Variants in ZSWIM6 observed in about 807,000 individuals in gnomAD.
The protein encoded by ZSWIM6 is zinc finger SWIM domain-containing protein 6.
ZSWIM6 carries 9 observed loss-of-function variants against 113.2 expected under a neutral mutation model. The ratio of observed to expected loss-of-function variants is 0.08; its 90% CI spans 0.05 to 0.14. The LOEUF (loss-of-function observed/expected upper bound fraction) is 0.14, where lower values mean the gene tolerates loss of function less well. ZSWIM6 is among the 10% of genes least tolerant of loss of function. ZSWIM6 has a pLI of 1.00. For missense variants in ZSWIM6, 1,162 were observed against 1,552.2 expected (o/e 0.75, Z 4.22); for synonymous variants, 611 against 606.5 (o/e 1.01, Z -0.11).
In ZSWIM6 at chr5:61,525,955, C is replaced by G; in HGVS notation, c.1669C>G (p.Arg557Gly). ...DDTENSLFDSRGWPLWHEHVP... is the reference protein window; with the variant it reads ...DDTENSLFDSGGWPLWHEHVP... ...CACTGAAAACTCCCTCTTCGACTCC[C>G]GCGGGTGGCCCCTCTGGCATGGTAA... is the stretch of plus-strand genomic sequence containing the variant. The change falls in exon 6 of 14, where the codon CGC (arginine) becomes GGC (glycine). Residue 557 changes from arginine (R) to glycine (G), a missense_variant. Arg to Gly is a moderately radical substitution (Grantham distance 125). Transcript: ENST00000252744. The G allele has an allele frequency of 6.4e-7, 1 of 1,552,144 alleles. No homozygotes were observed. The highest frequency in any genetic ancestry group is 8.7e-7 in the Non-Finnish European group (1 of 1,147,054).
At chr5:61,428,193 G>A (rs1021334873) in intron 1 of ZSWIM6, among the ~76,000 whole-genome samples, 3 of 152,114 alleles carry the variant, frequency 2.0e-5, no homozygotes, top group Non-Finnish European at 4.4e-5. Context: ...TGGCAAGAAA[G>A]ACATTTGTTT....
chr5:61,458,111 C>T (rs1400545371), intron 1 of ZSWIM6, among the ~76,000 whole-genome samples: 1 of 152,128 alleles, frequency 6.6e-6, no homozygotes, highest in African/African-American at 2.4e-5. Context: ...AGGTTGGATA[C>T]ATATATTTGC....
At chr5:61,513,250 T>C (rs1188406193) in intron 4 of ZSWIM6, among the ~76,000 whole-genome samples, 2 of 152,118 alleles carry the variant, frequency 1.3e-5, no homozygotes, top group African/African-American at 2.4e-5. Context: ...ATTGGATCAC[T>C]TAGTTAATAT....
intron 1 of ZSWIM6, chr5:61,375,809 A>G: frequency 1.5e-6 from 2 of 1,342,646 alleles, no homozygotes; most frequent in South Asian, 2.5e-5. Flanking sequence ...AAACACAGTA[A>G]GAAGAAGAAA....
intron 1 of ZSWIM6, among the ~76,000 whole-genome samples, chr5:61,427,130 A>G (rs889171839): frequency 6.6e-6 from 1 of 152,228 alleles, no homozygotes; most frequent in African/African-American, 2.4e-5. Flanking sequence ...TCTTTACTAC[A>G]ATGGCTGCAG....
intron 4 of ZSWIM6, among the ~76,000 whole-genome samples, chr5:61,506,803 A>G (rs1456412983): frequency 6.6e-6 from 1 of 152,132 alleles, no homozygotes; most frequent in Non-Finnish European, 1.5e-5. Context: ...AGTTAATTGG[A>G]TCATGCATGA....
At chr5:61,433,221 T>C (rs1746622329) in intron 1 of ZSWIM6, among the ~76,000 whole-genome samples, 1 of 152,320 alleles carries the variant, frequency 6.6e-6, no homozygotes, top group African/African-American at 2.4e-5. Context: ...AAGCAAGACA[T>C]AGAAAATTTC....
At chr5:61,362,207 T>A (rs940954884) in intron 1 of ZSWIM6, among the ~76,000 whole-genome samples, 6 of 152,078 alleles carry the variant, frequency 3.9e-5, no homozygotes, top group African/African-American at 1.4e-4. Context: ...CTCACTTTTT[T>A]TTTTTTTCTG....
intron 1 of ZSWIM6, among the ~76,000 whole-genome samples, chr5:61,423,952 GC>G (rs1746408416): frequency 6.6e-6 from 1 of 152,160 alleles, no homozygotes; most frequent in South Asian, 2.1e-4. Flanking sequence ...TAAATGAGCA[GC>G]CCCTCCTCTG....
intron 9 of ZSWIM6, among the ~76,000 whole-genome samples, chr5:61,533,759 ATAGT>A (rs1354275271): frequency 7.2e-5 from 11 of 152,220 alleles, no homozygotes; most frequent in African/African-American, 1.2e-4. Flanking sequence ...CTTAAGTAAA[ATAGT>A]TAGTGTGTTA....
chr5:61,485,152 C>T (rs1747983054), intron 2 of ZSWIM6, among the ~76,000 whole-genome samples: 1 of 152,070 alleles, frequency 6.6e-6, no homozygotes, highest in East Asian at 1.9e-4. Context: ...CAATGGTGAG[C>T]AGGGCAGATA....
chr5:61,433,475 GTT>G (rs548695220), intron 1 of ZSWIM6, among the ~76,000 whole-genome samples: 5 of 143,654 alleles, frequency 3.5e-5, no homozygotes, highest in Admixed American at 7.0e-5. Flanking sequence ...AGACTTAGTT[GTT>G]TTTTTTTTTT....
chr5:61,332,941 G>C lies in ZSWIM6; in HGVS notation c.669G>C (p.Leu223=). Residue 223 remains leucine (L), a synonymous_variant, in exon 1 of 14, where the codon CTG becomes CTC. Coordinates refer to ENST00000252744, the MANE Select transcript of ZSWIM6 (RefSeq NM_020928.2). ...AAAGCGGCTGCGTAGACAACGTCCT[G>C]CAAGTCGGTGAGTCACGGGGCAGCC... ...LLESGCVDNV[L]QVGFHLSGTV... The C allele has an allele frequency of 7.4e-7, 1 of 1,352,354 alleles. No individual in the cohort carries two copies. Among genetic ancestry groups the C allele is most frequent in the Non-Finnish European group, 9.6e-7 (1 of 1,039,670 alleles). The allele number at this position is 1,352,354 out of a possible 1,614,324, so 83.8% of individuals were successfully genotyped here.
intron 1 of ZSWIM6, chr5:61,375,928 A>G: frequency 1.5e-6 from 1 of 683,584 alleles, no homozygotes; most frequent in South Asian, 1.7e-5. Context: ...GAAAACTACA[A>G]CATATTTACT....
At chr5:61,428,404 C>T (rs994315390) in intron 1 of ZSWIM6, among the ~76,000 whole-genome samples, 2 of 152,118 alleles carry the variant, frequency 1.3e-5, no homozygotes, top group African/African-American at 2.4e-5. Context: ...ACTCTGTCAC[C>T]CACGCTGGAG....
At chr5:61,419,764 G>T (rs1178111269) in intron 1 of ZSWIM6, among the ~76,000 whole-genome samples, 2 of 152,182 alleles carry the variant, frequency 1.3e-5, no homozygotes, top group African/African-American at 4.8e-5. Context: ...TGAGGGATGT[G>T]CCCTTCAGGA....
chr5:61,351,966 GTGT>G (rs1744794067), intron 1 of ZSWIM6, among the ~76,000 whole-genome samples: 1 of 152,226 alleles, frequency 6.6e-6, no homozygotes, highest in Non-Finnish European at 1.5e-5. Context: ...AGCCAGGATG[GTGT>G]TGTTCATACC....
At chr5:61,499,237 A>G (rs1195705388) in intron 4 of ZSWIM6, among the ~76,000 whole-genome samples, 1 of 152,220 alleles carries the variant, frequency 6.6e-6, no homozygotes, top group Non-Finnish European at 1.5e-5. Flanking sequence ...AATGAACCAC[A>G]TATCAGGATT....
intron 1 of ZSWIM6, among the ~76,000 whole-genome samples, chr5:61,430,098 A>G (rs1451106409): frequency 2.0e-5 from 3 of 152,122 alleles, no homozygotes; most frequent in African/African-American, 7.2e-5. Context: ...TGTGGTTTGC[A>G]TTTATGAGAT....
Sources: gnomAD v4.1 joint callset for allele counts (sites outside exome capture counted in the v4.1 genomes callset) on GRCh38, gnomAD v4.1.1 for gene constraint, MANE v1.5 for transcripts, NCBI Gene and HGNC (gene_info 2026-07-23, HGNC 2026-07-21) for gene names.